The following ZNF536 variants were observed in gnomAD, a reference collection of about 807,000 sequenced individuals.
ZNF536 encodes zinc finger protein 536.
Under a neutral mutation model 84.5 loss-of-function variants are expected in ZNF536, and 13 were observed. The ratio of observed to expected loss-of-function variants is 0.15; its 90% CI spans 0.10 to 0.24. The LOEUF is 0.24. ZNF536 is among the 10% of genes least tolerant of loss of function. The pLI is 1.00. For synonymous variants in ZNF536, 811 were observed against 742.5 expected (o/e 1.09, Z -1.50); for missense variants, 1,536 against 1,747.5 (o/e 0.88, Z 2.16).
At chr19:30,229,847 A>G (rs1296935347) in intron 1 of ZNF536, among the ~76,000 whole-genome samples, 1 of 152,198 alleles carries the variant, frequency 6.6e-6, no homozygotes, top group Non-Finnish European at 1.5e-5. Context: ...CCCGGCTGCC[A>G]GAAGTCTCAG....
chr19:30,267,352 C>T (rs946466193), intron 1 of ZNF536, among the ~76,000 whole-genome samples: 8 of 152,292 alleles, frequency 5.3e-5, no homozygotes, highest in African/African-American at 1.9e-4. Context: ...TCCATAGACA[C>T]TAGCCATAAA....
At chr19:30,352,392 A>C (rs2047959618) in exon 3 of ZNF536, 1 of 152,168 alleles carries the variant, frequency 6.6e-6, no homozygotes, top group South Asian at 2.1e-4. Flanking sequence ...CCCTCTTGCA[A>C]TCTGTCAGTG....
intron 1 of ZNF536, among the ~76,000 whole-genome samples, chr19:30,274,196 A>G (rs1395550426): frequency 6.6e-6 from 1 of 152,244 alleles, no homozygotes. Context: ...GATATCCGTG[A>G]TAATATGTGT....
At chr19:30,610,416 G>T (rs1364693561) in intron 1 of ZNF536, among the ~76,000 whole-genome samples, 1 of 152,152 alleles carries the variant, frequency 6.6e-6, no homozygotes, top group Non-Finnish European at 1.5e-5. Flanking sequence ...CCCCTTGGTG[G>T]CCAGTCCTTG....
intron 2 of ZNF536, among the ~76,000 whole-genome samples, chr19:30,446,175 G>T (rs950953519): frequency 2.0e-5 from 3 of 149,662 alleles, no homozygotes; most frequent in Non-Finnish European, 3.0e-5. Context: ...CTTGAGCCCG[G>T]GAGGGGGAGG....
At chr19:30,622,838 C>T (rs977987624) in intron 1 of ZNF536, among the ~76,000 whole-genome samples, 15 of 152,004 alleles carry the variant, frequency 9.9e-5, no homozygotes, top group South Asian at 4.1e-4. Flanking sequence ...CGGCTGCCTG[C>T]GATGTTGGAA....
At chr19:30,448,555 A>T (rs1261563726) in intron 2 of ZNF536, among the ~76,000 whole-genome samples, 1 of 152,220 alleles carries the variant, frequency 6.6e-6, no homozygotes, top group Non-Finnish European at 1.5e-5. Flanking sequence ...AGACTGCATA[A>T]CAATGTCGCA....
chr19:30,242,091 A>G (rs983401503), intron 1 of ZNF536, among the ~76,000 whole-genome samples: 7 of 152,072 alleles, frequency 4.6e-5, no homozygotes, highest in African/African-American at 1.2e-4. Flanking sequence ...GAGGGCATCC[A>G]TGGGCCACTG....
At chr19:30,284,770 C>T (rs917788781) in intron 2 of ZNF536, among the ~76,000 whole-genome samples, 1 of 152,234 alleles carries the variant, frequency 6.6e-6, no homozygotes, top group Non-Finnish European at 1.5e-5. Context: ...GCCCAGCCCA[C>T]CTTCTCCTGA....
chr19:30,383,211 A>T (rs1265070273), intron 1 of ZNF536, among the ~76,000 whole-genome samples: 1 of 152,070 alleles, frequency 6.6e-6, no homozygotes, highest in Non-Finnish European at 1.5e-5. Context: ...AATTGCTTGA[A>T]CCCAGGAGGC....
intron 1 of ZNF536, among the ~76,000 whole-genome samples, chr19:30,598,910 C>T (rs1411897615): frequency 6.6e-6 from 1 of 151,230 alleles, no homozygotes; most frequent in Non-Finnish European, 1.5e-5. Context: ...GCCTGCCTCT[C>T]TCACTCCTTC....
chr19:30,253,669 C>T (rs980541581), intron 1 of ZNF536, among the ~76,000 whole-genome samples: 1 of 152,154 alleles, frequency 6.6e-6, no homozygotes, highest in Non-Finnish European at 1.5e-5. Context: ...GTGTGTGCCC[C>T]GGCTGGGCGG....
At chr19:30,281,434 G>A (rs2045439811) in intron 1 of ZNF536, among the ~76,000 whole-genome samples, 1 of 152,208 alleles carries the variant, frequency 6.6e-6, no homozygotes, top group African/African-American at 2.4e-5. Flanking sequence ...TTAAGGGCTT[G>A]ACTCAACTCT....
chr19:30,318,583 C>T (rs1453311007), intron 2 of ZNF536, among the ~76,000 whole-genome samples: 1 of 152,254 alleles, frequency 6.6e-6, no homozygotes, highest in African/African-American at 2.4e-5. Flanking sequence ...CCACCTCTGA[C>T]TCTGTGTGCA....
chr19:30,367,607 G>C (rs948031766), upstream of ZNF536, among the ~76,000 whole-genome samples: 2 of 152,228 alleles, frequency 1.3e-5, no homozygotes, highest in Non-Finnish European at 1.5e-5. Context: ...GGATAGATCA[G>C]AGCCTTCAAT....
In ZNF536 at chr19:30,386,775, A is replaced by G. The variant is rs140312265; in HGVS notation, c.-3+14219A>G. 4.3e-3 allele frequency among the ~76,000 whole-genome samples: 660 copies of G among 152,332 alleles called. 15 individuals carry two copies. Among genetic ancestry groups the G allele is most frequent in the African/African-American group, 0.015 (643 of 41,582 alleles). On this transcript the variant is annotated intron_variant, in intron 1 of 4. Transcript: ENST00000355537. Reference sequence around the variant, plus strand: ...CAGGGCCTGGCGCACAGCCAGGGCTATAGGTATTAGGTATTTATTTGTGGC... The same window carrying G: ...CAGGGCCTGGCGCACAGCCAGGGCTGTAGGTATTAGGTATTTATTTGTGGC...
intron 1 of ZNF536, among the ~76,000 whole-genome samples, chr19:30,673,754 G>A (rs1032589446): frequency 2.6e-5 from 4 of 152,208 alleles, no homozygotes; most frequent in South Asian, 2.1e-4. Context: ...ACGGACGCAC[G>A]TCCCGATGTC....
rs775229281 is a variant in ZNF536 at position 30,549,206 on chromosome 19, C to A, written c.3587C>A (p.Ala1196Asp). ...GAAATGATGACCAAGCCACTGTCTG[C>A]CCTCAGCAAAGACAGCAGCAGCGAT... Reference protein sequence around the residue: ...EPEMMTKPLSALSKDSSSDGG... With the variant: ...EPEMMTKPLSDLSKDSSSDGG... The change falls in exon 4 of 5, where the codon GCC (alanine) becomes GAC (aspartate). Residue 1196 changes from alanine (A) to aspartate (D), a missense_variant. Around this residue, in one of 8 missense-constraint regions of ZNF536, gnomAD observed 624 missense variants for 603.1 expected, o/e 1.03. Coordinates refer to ENST00000355537, the MANE Select transcript of ZNF536 (RefSeq NM_014717.3). 6.2e-7 allele frequency: 1 copy of A among 1,613,996 alleles called. No homozygotes were observed. The highest frequency in any genetic ancestry group is 1.3e-5 in the African/African-American group (1 of 74,956).
chr19:30,338,940 G>A (rs2047474957), intron 2 of ZNF536, among the ~76,000 whole-genome samples: 1 of 152,168 alleles, frequency 6.6e-6, no homozygotes, highest in African/African-American at 2.4e-5. Flanking sequence ...GTTGCTGGTG[G>A]CATGTGTGAG....
Sources: allele counts gnomAD v4.1 joint callset (sites outside exome capture counted in the v4.1 genomes callset), GRCh38; gene constraint gnomAD v4.1.1; regional missense constraint gnomAD v4.1.1; transcripts MANE v1.5; gene names NCBI Gene and HGNC (gene_info 2026-07-23, HGNC 2026-07-21).